CLSTN2: variants seen among roughly 807,000 people sequenced by gnomAD.
The protein encoded by CLSTN2 is calsyntenin-2.
CLSTN2 carries 48 observed loss-of-function variants against 101.2 expected under a neutral mutation model. The ratio of observed to expected loss-of-function variants is 0.47; its 90% CI spans 0.38 to 0.60. The LOEUF (loss-of-function observed/expected upper bound fraction) is 0.60. Ranked by LOEUF, CLSTN2 falls within the 20% of genes least tolerant of loss-of-function variation. The pLI is 0.00. For synonymous variants in CLSTN2, 481 were observed against 463.6 expected, an observed-to-expected ratio of 1.04 and a Z score of -0.48; for missense variants, 1,160 against 1,238.2, an observed-to-expected ratio of 0.94 and a Z score of 0.95.
chr3:140,519,227 C>A (rs1934979384), intron 8 of CLSTN2, among the ~76,000 whole-genome samples: 1 of 152,208 alleles, frequency 6.6e-6, no homozygotes, highest in Non-Finnish European at 1.5e-5. Context: ...TTTGCATTCA[C>A]TGAGGAGTCT....
At chr3:140,153,235 AG>A (rs1398954927) in intron 1 of CLSTN2, among the ~76,000 whole-genome samples, 2 of 152,244 alleles carry the variant, frequency 1.3e-5, no homozygotes, top group African/African-American at 4.8e-5. Flanking sequence ...ATAAAGATGT[AG>A]GAGTGGAGGA....
chr3:140,141,653 C>T (rs567337047), intron 1 of CLSTN2, among the ~76,000 whole-genome samples: 7 of 152,336 alleles, frequency 4.6e-5, no homozygotes, highest in African/African-American at 7.2e-5. Context: ...TGCCTAGCAC[C>T]GGCAGCCAAG....
chr3:140,559,097 G>A (rs887927015), intron 12 of CLSTN2, among the ~76,000 whole-genome samples: 3 of 151,620 alleles, frequency 2.0e-5, no homozygotes, highest in Non-Finnish European at 2.9e-5. Flanking sequence ...TGTGCTAAAT[G>A]GTAAGTGAAA....
intron 1 of CLSTN2, among the ~76,000 whole-genome samples, chr3:139,937,388 A>G (rs1439435292): frequency 6.6e-6 from 1 of 152,192 alleles, no homozygotes; most frequent in Non-Finnish European, 1.5e-5. Flanking sequence ...GTGGATAATT[A>G]TGTGCATTTT....
At chr3:140,129,761 G>C (rs1374003220) in intron 1 of CLSTN2, among the ~76,000 whole-genome samples, 1 of 152,128 alleles carries the variant, frequency 6.6e-6, no homozygotes, top group African/African-American at 2.4e-5. Context: ...GATCAGCTGG[G>C]CCTGGTGTGT....
In CLSTN2 at chr3:140,166,765, C is replaced by T. The variant is rs551409332; in HGVS notation, c.110-9186C>T. The stretch of plus-strand genomic sequence containing the variant: ...TTTCCTCTGCATGAGTGCAAAGACA[C>T]GGGCATTTTCCAAATGCTGAAACAT... On this transcript the variant is annotated intron_variant, in intron 1 of 16. Transcript: ENST00000458420. Among the ~76,000 whole-genome samples the T allele has an allele frequency of 3.9e-5, 6 of 152,204 alleles. No homozygotes were observed. In the South Asian group the frequency reaches 1.0e-3, roughly 26 times the overall value.
At chr3:139,955,137 T>TATATATATATATATATATAC (rs1231560755) in intron 1 of CLSTN2, among the ~76,000 whole-genome samples, 1 of 139,236 alleles carries the variant, frequency 7.2e-6, no homozygotes, top group African/African-American at 2.7e-5. Flanking sequence ...TATATATATA[T>TATATATATATATATATATAC]ATGGCAATTC....
chr3:140,485,142 C>T (rs562756607), intron 8 of CLSTN2, among the ~76,000 whole-genome samples: 12 of 152,210 alleles, frequency 7.9e-5, no homozygotes, highest in East Asian at 1.9e-4. Context: ...GATTTTGGTG[C>T]GGATGTCCTA....
chr3:140,045,181 G>A (rs538048111), intron 1 of CLSTN2, among the ~76,000 whole-genome samples: 1 of 152,270 alleles, frequency 6.6e-6, no homozygotes, highest in East Asian at 1.9e-4. Flanking sequence ...TGGTTGGTAG[G>A]CTATTAGTTA....
chr3:140,179,065 C>T (rs182624123), intron 2 of CLSTN2, among the ~76,000 whole-genome samples: 2 of 152,220 alleles, frequency 1.3e-5, no homozygotes, highest in Admixed American at 1.3e-4. Flanking sequence ...TACATGATCT[C>T]ACGTGATTTT....
intron 9 of CLSTN2, among the ~76,000 whole-genome samples, chr3:140,541,223 G>A (rs1461645198): frequency 2.0e-5 from 3 of 152,228 alleles, no homozygotes; most frequent in Non-Finnish European, 2.9e-5. Flanking sequence ...TGTGGCTTTG[G>A]TCAAGTTACC....
Position 140,018,002 on chromosome 3 carries a change from T to C in CLSTN2, c.109+82519T>C, listed in dbSNP as rs141062461. Among the ~76,000 whole-genome samples, 5 of 152,300 alleles carry C rather than the reference T, an allele frequency of 3.3e-5. No individual in the cohort carries two copies. In the East Asian group the frequency reaches 9.7e-4, roughly 29 times the overall value. On this transcript the variant is annotated intron_variant, in intron 1 of 16. Transcript: ENST00000458420. ...TGCCTCTGCAGACAGACCAGTACAG[T>C]CTATTTTTGTTTCTAAAGAAGGAAG...
rs1383304523 is a variant in CLSTN2, at chr3:140,161,726, C to G, written c.110-14225C>G. Among the ~76,000 whole-genome samples the G allele has an allele frequency of 2.0e-5, 3 of 151,924 alleles. No individual in the cohort carries two copies. In the East Asian group the frequency reaches 5.8e-4, roughly 29 times the overall value. ...TCTTCTCTCCCCACTCTCTTCCTCC[C>G]CTTACACTCACACTCTTTCCTACCT... On this transcript the variant is annotated intron_variant, in intron 1 of 16. Transcript: ENST00000458420.
At chr3:140,275,260 G>A (rs2086782570) in intron 2 of CLSTN2, among the ~76,000 whole-genome samples, 1 of 125,406 alleles carries the variant, frequency 8.0e-6, no homozygotes, top group Non-Finnish European at 1.7e-5. Context: ...CTTCCTTACA[G>A]GTACCCCTTG....
At chr3:140,394,583 C>A (rs1289982360) in intron 2 of CLSTN2, among the ~76,000 whole-genome samples, 2 of 152,088 alleles carry the variant, frequency 1.3e-5, no homozygotes, top group Non-Finnish European at 2.9e-5. Flanking sequence ...CTCACAATAC[C>A]CAGAAACAAC....
intron 5 of CLSTN2, among the ~76,000 whole-genome samples, chr3:140,448,222 TG>T (rs1933141475): frequency 2.0e-5 from 1 of 50,956 alleles, no homozygotes; most frequent in Non-Finnish European, 3.6e-5. Context: ...TGTGTGTGTG[TG>T]TGTGTGTGTG....
rs371366719 is a variant in CLSTN2 at position 140,324,428 on chromosome 3, A to G, written c.233-79201A>G. Reference sequence around the variant, plus strand: ...AGTGGGTAATATAAAGGATGCATATACACCACATTATTTCCACTAAGGAAA... The same window carrying G: ...AGTGGGTAATATAAAGGATGCATATGCACCACATTATTTCCACTAAGGAAA... On this transcript the variant is annotated intron_variant, in intron 2 of 16. Coordinates refer to ENST00000458420, the MANE Select transcript of CLSTN2 (RefSeq NM_022131.3). Among the ~76,000 whole-genome samples the G allele has an allele frequency of 5.6e-4, 86 of 152,364 alleles. No homozygotes were observed. The South Asian group carries it at 0.018, about 32-fold the overall frequency.
chr3:140,071,184 G>A (rs984831279), intron 1 of CLSTN2, among the ~76,000 whole-genome samples: 2 of 152,048 alleles, frequency 1.3e-5, no homozygotes, highest in Non-Finnish European at 2.9e-5. Context: ...AAATGAGCAG[G>A]AAAAGATGGA....
intron 2 of CLSTN2, among the ~76,000 whole-genome samples, chr3:140,335,729 G>A (rs576750307): frequency 1.3e-4 from 20 of 152,306 alleles, no homozygotes; most frequent in South Asian, 4.1e-4. Context: ...CCAAGTATCC[G>A]CTGGTTCCTG....
Sources: gnomAD v4.1 joint callset for allele counts (sites outside exome capture counted in the v4.1 genomes callset) on GRCh38, gnomAD v4.1.1 for gene constraint, MANE v1.5 for transcripts, NCBI Gene and HGNC (gene_info 2026-07-23, HGNC 2026-07-21) for gene names.